Variants in ZNF528 observed in about 807,000 individuals in gnomAD.
ZNF528 encodes zinc finger protein 528.
A neutral mutation model predicts 13.3 loss-of-function variants in ZNF528; 9 were observed. The ratio of observed to expected loss-of-function variants is 0.67; its 90% CI spans 0.41 to 1.18. The LOEUF is 1.18. Ranked by LOEUF, ZNF528 falls within the 50% of genes most tolerant of loss-of-function variation. The probability of loss-of-function intolerance (pLI) is 0.01; values close to 1 mark genes in which losing one functional copy is unlikely to be tolerated. For missense variants in ZNF528, 858 were observed against 745.4 expected (o/e 1.15, Z -1.76); for synonymous variants, 264 against 254.3 (o/e 1.04, Z -0.36).
intron 4 of ZNF528, among the ~76,000 whole-genome samples, chr19:52,403,156 G>A (rs551800122): frequency 6.6e-6 from 1 of 152,312 alleles, no homozygotes; most frequent in African/African-American, 2.4e-5. Flanking sequence ...CAAATATGCT[G>A]AAATACACAT....
chr19:52,406,970 A>G (rs1231498253), intron 6 of ZNF528: 1 of 314,110 alleles, frequency 3.2e-6, no homozygotes, highest in Admixed American at 4.9e-5. Flanking sequence ...TGGAGATAGG[A>G]TCTCTCTTGG....
At chr19:52,401,623 G>T (rs1170062173) in intron 2 of ZNF528, 62 bp from the exon 3 acceptor site, 3 of 1,193,294 alleles carry the variant, frequency 2.5e-6, no homozygotes, top group African/African-American at 1.7e-5. Flanking sequence ...ATCAAAGTAT[G>T]ATTTTAGGAA....
At chr19:52,413,844 ACTTTAAGAC>A (rs1568429331) in intron 6 of ZNF528, 1 of 208,058 alleles carries the variant, frequency 4.8e-6, no homozygotes, top group Non-Finnish European at 9.9e-6. Context: ...AGAAGAATCA[ACTTTAAGAC>A]CTTTTTGATG....
At position 52,415,476 on chromosome 19, in the gene ZNF528, C is replaced by T. The variant is rs755321655; in HGVS notation, c.624C>T (p.Asn208=). 1.7e-5 allele frequency: 27 copies of T among 1,614,074 alleles called. No individual in the cohort carries two copies. Among genetic ancestry groups the T allele is most frequent in the Admixed American group, 1.2e-4 (7 of 60,000 alleles). ...GCCTTACTAACCAAGTAATCCATAA[C>T]GCAGATAATCCTTACAAATGCAGTG... is the stretch of plus-strand genomic sequence containing the variant. ...SASLTNQVIH[N]ADNPYKCSEC... The change falls in exon 7 of 7, where the codon AAC becomes AAT. Residue 208 remains asparagine, a synonymous_variant. Coordinates refer to ENST00000360465, the MANE Select transcript of ZNF528 (RefSeq NM_032423.3).
In ZNF528 at chr19:52,415,731, A is replaced by G. The variant is rs1329987807; in HGVS notation, c.879A>G (p.Gly293=). The G allele has an allele frequency of 1.2e-6, 2 of 1,614,182 alleles. No homozygotes were observed. The highest frequency in any genetic ancestry group is 1.7e-6 in the Non-Finnish European group (2 of 1,180,038). The change falls in exon 7 of 7, where the codon GGA becomes GGG. Residue 293 remains glycine (G), a synonymous_variant. Coordinates refer to ENST00000360465, the MANE Select transcript of ZNF528 (RefSeq NM_032423.3). The part of the protein sequence containing the change: ...KLAQHQRIHT[G]EKPYKCHECD... ...CACAACATCAAAGAATTCATACTGG[A>G]GAGAAGCCTTACAAATGTCATGAAT...
In ZNF528 at chr19:52,416,125, A is replaced by T. The variant is rs2059000026; in HGVS notation, c.1273A>T (p.Ile425Leu). The stretch of plus-strand genomic sequence containing the variant: ...GATCTTTAGTCAGAAATCAGACCTT[A>T]TACGACATCGAAAAACTCATACTGA... The part of the protein sequence containing the change: ...GKIFSQKSDL[I>L]RHRKTHTDEK... The change falls in exon 7 of 7, where the codon ATA becomes TTA. Residue 425 changes from isoleucine to leucine, a missense_variant. Physicochemically the swap from Ile to Leu is conservative, Grantham distance 5 (BLOSUM62 2). Transcript: ENST00000360465. The T allele has an allele frequency of 6.2e-7, 1 of 1,613,938 alleles. No homozygotes were observed. The highest frequency in any genetic ancestry group is 1.3e-5 in the African/African-American group (1 of 74,936).
chr19:52,411,809 A>G (rs533950243), intron 6 of ZNF528: 2 of 152,316 alleles, frequency 1.3e-5, no homozygotes, highest in Non-Finnish European at 2.9e-5. Context: ...TGGGTTACCA[A>G]AGTTTTCATT....
At chr19:52,400,673 C>T (rs1384974806) in intron 2 of ZNF528, among the ~76,000 whole-genome samples, 1 of 152,040 alleles carries the variant, frequency 6.6e-6, no homozygotes, top group Admixed American at 6.6e-5. Flanking sequence ...GGGCCTGTCC[C>T]TCTGCGTGGC....
chr19:52,407,618 A>T (rs961107589), intron 6 of ZNF528, among the ~76,000 whole-genome samples: 8 of 151,866 alleles, frequency 5.3e-5, no homozygotes, highest in Admixed American at 3.9e-4. Flanking sequence ...TCTACTAAAA[A>T]TACAAAAATC....
intron 4 of ZNF528, 120 bp downstream of exon 4, chr19:52,402,148 A>C: frequency 7.1e-7 from 1 of 1,412,520 alleles, no homozygotes; most frequent in Non-Finnish European, 9.9e-7. Context: ...GCACTTACCC[A>C]TGGCTTCTTC....
intron 2 of ZNF528, among the ~76,000 whole-genome samples, chr19:52,400,440 G>C (rs1237717527): frequency 6.6e-6 from 1 of 151,994 alleles, no homozygotes; most frequent in Non-Finnish European, 1.5e-5. Flanking sequence ...CATCCAATCA[G>C]GTTTTGACAC....
intron 4 of ZNF528, among the ~76,000 whole-genome samples, chr19:52,404,548 A>G (rs1291812481): frequency 6.6e-6 from 1 of 151,960 alleles, no homozygotes; most frequent in Non-Finnish European, 1.5e-5. Context: ...CCATTCAGCC[A>G]TTGCTATTGT....
At chr19:52,409,743 C>CT (rs1369746079) in intron 6 of ZNF528, among the ~76,000 whole-genome samples, 1 of 151,054 alleles carries the variant, frequency 6.6e-6, no homozygotes, top group African/African-American at 2.4e-5. Flanking sequence ...GAGATGGAGT[C>CT]TTTCTCTGTT....
rs1273463410 is a variant in ZNF528 at position 52,415,162 on chromosome 19, C to A, written c.310C>A (p.Pro104Thr). 6.2e-7 allele frequency: 1 copy of A among 1,610,302 alleles called. No homozygotes were observed. The highest frequency in any genetic ancestry group is 8.5e-7 in the Non-Finnish European group (1 of 1,178,248). The change falls in exon 7 of 7, where the codon CCT (proline) becomes ACT (threonine). Residue 104 changes from proline to threonine, a missense_variant. Coordinates refer to ENST00000360465, the MANE Select transcript of ZNF528 (RefSeq NM_032423.3). ...ATTGGGAAGTAATGCAGGAAACAAG[C>A]CTTGTAAAAATCAACTTGGATTCAC... ...SKLGSNAGNK[P>T]CKNQLGFTFQ...
intron 6 of ZNF528, among the ~76,000 whole-genome samples, chr19:52,408,707 G>A (rs1264549329): frequency 1.3e-5 from 2 of 152,012 alleles, no homozygotes; most frequent in Non-Finnish European, 2.9e-5. Flanking sequence ...CCGAGTAGCT[G>A]GGGTTACAGA....
intron 2 of ZNF528, among the ~76,000 whole-genome samples, chr19:52,400,894 C>CT (rs1187923176): frequency 4.6e-5 from 7 of 151,850 alleles, no homozygotes; most frequent in South Asian, 2.1e-4. Context: ...GCTGATCACT[C>CT]TTTTTTTTCG....
chr19:52,415,202 T>C lies in ZNF528; in HGVS notation c.350T>C (p.Leu117Pro). 6.2e-7 allele frequency: 1 copy of C among 1,613,878 alleles called. No individual in the cohort carries two copies. The highest frequency in any genetic ancestry group is 8.5e-7 in the Non-Finnish European group (1 of 1,179,926). ...CTTGGATTCACTTTTCAGTTACATC[T>C]GAGTGATCTACAGCTATTTCAAGCT... ...NQLGFTFQLHLSDLQLFQAER... is the reference protein window; with the variant it reads ...NQLGFTFQLHPSDLQLFQAER... The change falls in exon 7 of 7, where the codon CTG becomes CCG. Residue 117 changes from leucine to proline, a missense_variant. Transcript: ENST00000360465.
In ZNF528 at chr19:52,406,534, G is replaced by A. The variant is rs1202752941; in HGVS notation, c.162G>A (p.Leu54=). 1.2e-6 allele frequency: 2 copies of A among 1,613,826 alleles called. No homozygotes were observed. The highest frequency in any genetic ancestry group is 1.7e-5 in the Admixed American group (1 of 59,938). ...LVSLGICLPD[L]SVTSMLEQKR... ...AAATAGGAATCTGTCTTCCTGACCT[G>A]AGTGTTACCTCCATGTTAGAGCAAA... Residue 54 remains leucine, a synonymous_variant, in exon 6 of 7, where the codon CTG becomes CTA. Coordinates refer to ENST00000360465, the MANE Select transcript of ZNF528 (RefSeq NM_032423.3).
At chr19:52,406,480 C>A in intron 5 of ZNF528, 35 bp from the exon 6 acceptor site, 1 of 1,605,328 alleles carries the variant, frequency 6.2e-7, no homozygotes, top group Non-Finnish European at 8.5e-7. Context: ...TTGGGAGATG[C>A]CACAGCACAC....
Sources: gnomAD v4.1 joint callset for allele counts (sites outside exome capture counted in the v4.1 genomes callset) on GRCh38, gnomAD v4.1.1 for gene constraint, MANE v1.5 for transcripts, NCBI Gene and HGNC (gene_info 2026-07-23, HGNC 2026-07-21) for gene names.